ASAP1: variants seen among roughly 807,000 people sequenced by gnomAD.
ASAP1 encodes arf-GAP with SH3 domain, ANK repeat and PH domain-containing protein 1.
A neutral mutation model predicts 145.2 loss-of-function variants in ASAP1; 43 were observed. The observed-to-expected ratio is 0.30, with a 90% CI of 0.23 to 0.38. The LOEUF is 0.38. Among genes scored for constraint, ASAP1 ranks in the 10% least tolerant of loss-of-function variants. ASAP1 has a pLI of 1.00. For synonymous variants in ASAP1, 546 were observed against 515.5 expected, an observed-to-expected ratio of 1.06 and a Z score of -0.80; for missense variants, 1,018 against 1,355.3, an observed-to-expected ratio of 0.75 and a Z score of 3.91.
intron 2 of ASAP1, among the ~76,000 whole-genome samples, chr8:130,365,916 C>T (rs1325325629): frequency 1.3e-5 from 2 of 152,068 alleles, no homozygotes; most frequent in African/African-American, 2.4e-5. Context: ...GAAGTGATCC[C>T]GGTTTTTAGA....
chr8:130,168,509 G>A (rs926278796), intron 10 of ASAP1, among the ~76,000 whole-genome samples: 8 of 152,150 alleles, frequency 5.3e-5, no homozygotes, highest in African/African-American at 1.4e-4. Context: ...AGAATTGCTT[G>A]AGCCCAGAAG....
At chr8:130,058,550 A>C (rs2097409686) in intron 28 of ASAP1, among the ~76,000 whole-genome samples, 1 of 152,256 alleles carries the variant, frequency 6.6e-6, no homozygotes, top group Non-Finnish European at 1.5e-5. Flanking sequence ...ACAGCAAGTC[A>C]GTACATGCTG....
At chr8:130,112,893 A>G (rs2097549055) in intron 23 of ASAP1, among the ~76,000 whole-genome samples, 1 of 152,124 alleles carries the variant, frequency 6.6e-6, no homozygotes, top group South Asian at 2.1e-4. Context: ...GCTTGTGGTG[A>G]TGGCATTAGG....
chr8:130,112,595 T>G (rs1034031493), intron 23 of ASAP1, among the ~76,000 whole-genome samples: 23 of 152,276 alleles, frequency 1.5e-4, no homozygotes, highest in African/African-American at 5.5e-4. Context: ...AGGTCACAGG[T>G]AGATTTAACT....
intron 3 of ASAP1, among the ~76,000 whole-genome samples, chr8:130,313,499 T>C (rs1447628075): frequency 6.6e-6 from 1 of 152,172 alleles, no homozygotes; most frequent in Non-Finnish European, 1.5e-5. Context: ...AAATTTACTG[T>C]AGGGTTATCT....
At chr8:130,263,313 G>C (rs1048538785) in intron 3 of ASAP1, among the ~76,000 whole-genome samples, 4 of 152,192 alleles carry the variant, frequency 2.6e-5, no homozygotes, top group Non-Finnish European at 4.4e-5. Flanking sequence ...GGGCCAGTCA[G>C]ATCCCACCCT....
At chr8:130,212,474 T>C (rs1816646077) in intron 5 of ASAP1, among the ~76,000 whole-genome samples, 2 of 152,152 alleles carry the variant, frequency 1.3e-5, no homozygotes, top group Non-Finnish European at 2.9e-5. Context: ...CAGGATATTG[T>C]AGAAGAGCAA....
intron 3 of ASAP1, among the ~76,000 whole-genome samples, chr8:130,297,730 G>T (rs2137379519): frequency 6.6e-6 from 1 of 152,322 alleles, no homozygotes; most frequent in South Asian, 2.1e-4. Context: ...AAGCGGGGGG[G>T]CGGGGAGCAG....
At chr8:130,352,335 G>C (rs946765360) in intron 3 of ASAP1, among the ~76,000 whole-genome samples, 1 of 151,750 alleles carries the variant, frequency 6.6e-6, no homozygotes, top group African/African-American at 2.4e-5. Flanking sequence ...AAATTTAAGA[G>C]GTAATGCACT....
At chr8:130,428,385 G>C (rs529035825) in intron 1 of ASAP1, among the ~76,000 whole-genome samples, 1 of 7,358 alleles carries the variant, frequency 1.4e-4, no homozygotes, top group East Asian at 2.9e-3. Flanking sequence ...TTCTGGGTGA[G>C]TCTTTAGGCC....
intron 24 of ASAP1, among the ~76,000 whole-genome samples, chr8:130,101,327 A>G (rs971450389): frequency 3.3e-5 from 5 of 152,156 alleles, no homozygotes; most frequent in African/African-American, 1.2e-4. Flanking sequence ...GAATGTCATT[A>G]GTATTTTGAA....
At chr8:130,090,017 CT>C (rs1349556343) in intron 25 of ASAP1, among the ~76,000 whole-genome samples, 1 of 152,124 alleles carries the variant, frequency 6.6e-6, no homozygotes, top group Non-Finnish European at 1.5e-5. Flanking sequence ...GCGTCCTCAT[CT>C]GGAAAAGGTT....
chr8:130,323,123 A>C (rs1265811503), intron 3 of ASAP1, among the ~76,000 whole-genome samples: 1 of 152,214 alleles, frequency 6.6e-6, no homozygotes, highest in Non-Finnish European at 1.5e-5. Flanking sequence ...TGTTGTTCCT[A>C]AACAAAAGCA....
At chr8:130,346,025 G>C (rs952799514) in intron 3 of ASAP1, among the ~76,000 whole-genome samples, 2 of 152,206 alleles carry the variant, frequency 1.3e-5, no homozygotes, top group Non-Finnish European at 2.9e-5. Flanking sequence ...AAAGCCCAGA[G>C]AGGTAGACTT....
In ASAP1 at chr8:130,152,821, A is replaced by C; in HGVS notation, c.1011-16T>G. On this transcript the variant is annotated splice_polypyrimidine_tract_variant and intron_variant, in intron 12 of 29. Coordinates refer to ENST00000518721, the MANE Select transcript of ASAP1 (RefSeq NM_018482.4). The stretch of plus-strand genomic sequence containing the variant: ...TTTCCGGATCCTAAGGAGGAAGTCA[A>C]ACACAACTAGATATAGTAACTGATT... 6.3e-7 allele frequency: 1 copy of C among 1,590,532 alleles called. No homozygotes were observed. The highest frequency in any genetic ancestry group is 1.3e-5 in the African/African-American group (1 of 74,576).
chr8:130,278,302 C>A (rs1322758233), intron 3 of ASAP1, among the ~76,000 whole-genome samples: 2 of 151,946 alleles, frequency 1.3e-5, no homozygotes, highest in African/African-American at 4.8e-5. Flanking sequence ...AAGCTGTAGT[C>A]ACATCCCATA....
chr8:130,393,468 T>C, intron 2 of ASAP1, among the ~76,000 whole-genome samples: 1 of 152,152 alleles, frequency 6.6e-6, no homozygotes, highest in Non-Finnish European at 1.5e-5. Context: ...CAAAGACTCC[T>C]AGGAAGGCCA....
chr8:130,079,245 C>G (rs2097472749), intron 26 of ASAP1, among the ~76,000 whole-genome samples: 1 of 152,132 alleles, frequency 6.6e-6, no homozygotes, highest in Non-Finnish European at 1.5e-5. Flanking sequence ...TGGATAAGAG[C>G]TGACTCTTTT....
At chr8:130,430,433 G>A (rs778766527) in intron 1 of ASAP1, among the ~76,000 whole-genome samples, 13 of 152,200 alleles carry the variant, frequency 8.5e-5, no homozygotes, top group Admixed American at 2.6e-4. Flanking sequence ...TTGGCAAGTT[G>A]GGTGACTTGT....
Sources: allele counts gnomAD v4.1 joint callset (sites outside exome capture counted in the v4.1 genomes callset), GRCh38; gene constraint gnomAD v4.1.1; transcripts MANE v1.5; gene names NCBI Gene and HGNC (gene_info 2026-07-23, HGNC 2026-07-21).